Variants in ZFYVE9 observed in about 807,000 individuals in gnomAD.
ZFYVE9 encodes the protein zinc finger FYVE domain-containing protein 9.
ZFYVE9 carries 43 observed loss-of-function variants against 126.7 expected under a neutral mutation model. That is an observed-to-expected ratio of 0.34 (90% CI 0.27 to 0.44). ZFYVE9 has a LOEUF of 0.44. Among genes scored for constraint, ZFYVE9 ranks in the 20% least tolerant of loss-of-function variants. The pLI, the probability that ZFYVE9 is intolerant of heterozygous loss-of-function variation, is 1.00. For synonymous variants in ZFYVE9, 521 were observed against 597.4 expected (o/e 0.87, Z 1.87); for missense variants, 1,476 against 1,697.0 (o/e 0.87, Z 2.29).
At chr1:52,173,555 T>A (rs1005672441) in intron 1 of ZFYVE9, among the ~76,000 whole-genome samples, 2 of 152,218 alleles carry the variant, frequency 1.3e-5, no homozygotes, top group African/African-American at 2.4e-5. Flanking sequence ...TTCTGTTGAT[T>A]GGAATAGTTT....
chr1:52,281,728 C>T lies in ZFYVE9; in HGVS notation c.2937C>T (p.Val979=). ...ATGCAGTGGGTCAGTCTGAGATAGT[C>T]ATTCTTCTACAGTGTTTACCGGATG... The part of the protein sequence containing the change: ...GMHAVGQSEI[V]ILLQCLPDEK... The change falls in exon 10 of 19, where the codon GTC becomes GTT. Residue 979 remains valine, a synonymous_variant. Coordinates refer to ENST00000287727, the MANE Select transcript of ZFYVE9 (RefSeq NM_004799.4). 6.2e-7 allele frequency: 1 copy of T among 1,614,150 alleles called. No homozygotes were observed. The highest frequency in any genetic ancestry group is 1.7e-5 in the Admixed American group (1 of 60,014).
At chr1:52,334,873 A>G (rs1646375270) in intron 15 of ZFYVE9, 105 bp downstream of exon 15, 1 of 1,126,984 alleles carries the variant, frequency 8.9e-7, no homozygotes, top group African/African-American at 1.6e-5. Context: ...CTGTTTTTTC[A>G]GTAGCATCTC....
At chr1:52,160,996 A>G (rs929924727) in intron 1 of ZFYVE9, among the ~76,000 whole-genome samples, 4 of 152,144 alleles carry the variant, frequency 2.6e-5, no homozygotes, top group African/African-American at 7.2e-5. Context: ...TTTACTGATG[A>G]TATTTTCTGT....
At chr1:52,325,803 A>G (rs1242517851) in intron 13 of ZFYVE9, among the ~76,000 whole-genome samples, 1 of 152,224 alleles carries the variant, frequency 6.6e-6, no homozygotes, top group Non-Finnish European at 1.5e-5. Flanking sequence ...AAACTCCTCT[A>G]TAAATCCTTT....
At chr1:52,296,822 GT>G (rs1307483115) in intron 12 of ZFYVE9, among the ~76,000 whole-genome samples, 1 of 151,862 alleles carries the variant, frequency 6.6e-6, no homozygotes, top group Non-Finnish European at 1.5e-5. Context: ...TGTTTGTTTT[GT>G]TTTATTTTGT....
chr1:52,192,796 A>G (rs1330259740), intron 1 of ZFYVE9, among the ~76,000 whole-genome samples: 1 of 152,234 alleles, frequency 6.6e-6, no homozygotes, highest in Non-Finnish European at 1.5e-5. Context: ...CAAAAGGCTA[A>G]AAAAGTAAAA....
intron 4 of ZFYVE9, among the ~76,000 whole-genome samples, chr1:52,251,042 TTGTTGTTGTTG>T (rs1557480912): frequency 5.3e-4 from 76 of 143,232 alleles, no homozygotes; most frequent in African/African-American, 1.9e-3. Context: ...GTTGTTGTTG[TTGTTGTTGTTG>T]TTGTTGTTGT....
Position 52,233,197 on chromosome 1 carries a change from T to G in ZFYVE9, c.-10T>G. ...TTTAAACAAGTCTCTTAAGTGGTGT[T>G]TCCTCACCGATGGAGAATTACTTCC... On this transcript the variant is annotated 5_prime_UTR_variant, in exon 3 of 19. Transcript: ENST00000287727. 1 of 1,569,182 alleles carries G rather than the reference T, an allele frequency of 6.4e-7. No homozygotes were observed. Among genetic ancestry groups the G allele is most frequent in the Non-Finnish European group, 8.7e-7 (1 of 1,154,820 alleles).
chr1:52,157,198 A>G (rs920161706), intron 1 of ZFYVE9, among the ~76,000 whole-genome samples: 20 of 151,854 alleles, frequency 1.3e-4, no homozygotes, highest in African/African-American at 4.6e-4. Flanking sequence ...ACTTGGGAAT[A>G]ATTTTACATA....
chr1:52,162,397 C>T (rs1644470575), intron 1 of ZFYVE9: 3 of 307,340 alleles, frequency 9.8e-6, no homozygotes, highest in Admixed American at 6.6e-5. Flanking sequence ...GAGTTCTGCC[C>T]ATATAGATGC....
At chr1:52,295,338 G>GGGTT (rs1645962664) in intron 11 of ZFYVE9, among the ~76,000 whole-genome samples, 3 of 135,620 alleles carry the variant, frequency 2.2e-5, no homozygotes, top group Non-Finnish European at 4.7e-5. Flanking sequence ...AAGACCTTGT[G>GGGTT]GGTTTGTTTG....
At chr1:52,276,648 C>T (rs1204475911) in intron 8 of ZFYVE9, among the ~76,000 whole-genome samples, 1 of 152,146 alleles carries the variant, frequency 6.6e-6, no homozygotes, top group African/African-American at 2.4e-5. Flanking sequence ...GCCTAGAATA[C>T]CCCTCTCTAC....
chr1:52,147,201 C>G (rs1034392977), intron 1 of ZFYVE9, among the ~76,000 whole-genome samples: 3 of 152,108 alleles, frequency 2.0e-5, no homozygotes, highest in African/African-American at 4.8e-5. Context: ...ATACTCAACG[C>G]ATAAAGTATT....
At chr1:52,334,225 C>T (rs2147871445) in intron 14 of ZFYVE9, among the ~76,000 whole-genome samples, 1 of 152,070 alleles carries the variant, frequency 6.6e-6, no homozygotes, top group African/African-American at 2.4e-5. Flanking sequence ...TGTGAAGGGC[C>T]AAATGATAAA....
At chr1:52,243,265 C>A (rs1181863053) in intron 4 of ZFYVE9, among the ~76,000 whole-genome samples, 1 of 151,340 alleles carries the variant, frequency 6.6e-6, no homozygotes, top group East Asian at 1.9e-4. Flanking sequence ...AAAAACAAAA[C>A]AAAACAAAAA....
At chr1:52,282,079 C>G (rs2147817480) in intron 10 of ZFYVE9, among the ~76,000 whole-genome samples, 1 of 152,150 alleles carries the variant, frequency 6.6e-6, no homozygotes, top group South Asian at 2.1e-4. Context: ...TTTTAGTGGC[C>G]TGGGGTCAGG....
chr1:52,192,390 G>A (rs533671492), intron 1 of ZFYVE9, among the ~76,000 whole-genome samples: 124 of 152,278 alleles, frequency 8.1e-4, no homozygotes, highest in Non-Finnish European at 1.5e-3. Flanking sequence ...GTATAAGACC[G>A]TGTACCAGGT....
At chr1:52,156,177 C>A (rs1644401543) in intron 1 of ZFYVE9, among the ~76,000 whole-genome samples, 1 of 152,174 alleles carries the variant, frequency 6.6e-6, no homozygotes, top group Non-Finnish European at 1.5e-5. Flanking sequence ...TGCTTCTGAT[C>A]CTCTTTTCTG....
intron 4 of ZFYVE9, among the ~76,000 whole-genome samples, chr1:52,255,973 T>TTCCTTCCTTCC (rs1557484259): frequency 8.0e-6 from 1 of 124,420 alleles, no homozygotes; most frequent in African/African-American, 3.7e-5. Flanking sequence ...CTTTTCTTTC[T>TTCCTTCCTTCC]TTCTTTCTTT....
Sources: allele counts gnomAD v4.1 joint callset (sites outside exome capture counted in the v4.1 genomes callset), GRCh38; gene constraint gnomAD v4.1.1; transcripts MANE v1.5; gene names NCBI Gene and HGNC (gene_info 2026-07-23, HGNC 2026-07-21).